NKAIN2: variants seen among roughly 807,000 people sequenced by gnomAD.
NKAIN2 encodes sodium/potassium-transporting ATPase subunit beta-1-interacting protein 2.
In NKAIN2, 14 loss-of-function variants were observed where a neutral mutation model predicts 32.6. The observed-to-expected ratio is 0.43, with a 90% CI of 0.28 to 0.67. The LOEUF is 0.67. Among genes scored for constraint, NKAIN2 ranks in the 30% least tolerant of loss-of-function variants. The pLI, the probability that NKAIN2 is intolerant of heterozygous loss-of-function variation, is 0.17. For synonymous variants in NKAIN2, 80 were observed against 87.2 expected (o/e 0.92, Z 0.46); for missense variants, 198 against 258.3 (o/e 0.77, Z 1.60).
chr6:123,834,795 A>G (rs1774543544), intron 1 of NKAIN2, among the ~76,000 whole-genome samples: 1 of 152,080 alleles, frequency 6.6e-6, no homozygotes, highest in Admixed American at 6.6e-5. Context: ...ATTTTGTCAG[A>G]TGCTTTTTTT....
chr6:124,147,477 C>T (rs1182216200), intron 1 of NKAIN2, among the ~76,000 whole-genome samples: 1 of 151,812 alleles, frequency 6.6e-6, no homozygotes. Context: ...CTGCCTAGAA[C>T]AAAAGAGATA....
intron 4 of NKAIN2, among the ~76,000 whole-genome samples, chr6:124,671,162 C>G (rs1409200601): frequency 9.2e-5 from 14 of 152,046 alleles, no homozygotes; most frequent in Admixed American, 9.2e-4. Context: ...GGAGAAGGTT[C>G]TATGTATACA....
At chr6:124,329,440 A>T (rs1797560385) in intron 2 of NKAIN2, among the ~76,000 whole-genome samples, 1 of 152,202 alleles carries the variant, frequency 6.6e-6, no homozygotes, top group Non-Finnish European at 1.5e-5. Flanking sequence ...ATGTAATGGA[A>T]TTCTGGCTTT....
intron 1 of NKAIN2, among the ~76,000 whole-genome samples, chr6:124,070,345 T>A (rs1241847457): frequency 1.3e-5 from 2 of 152,218 alleles, no homozygotes; most frequent in Non-Finnish European, 2.9e-5. Context: ...ATGCACTGAC[T>A]TCCAACCTAC....
At chr6:124,492,056 G>T (rs930633003) in intron 3 of NKAIN2, among the ~76,000 whole-genome samples, 2 of 152,032 alleles carry the variant, frequency 1.3e-5, no homozygotes, top group East Asian at 3.9e-4. Context: ...CAGTAAAATT[G>T]TAAGAGAATA....
intron 1 of NKAIN2, among the ~76,000 whole-genome samples, chr6:124,159,367 A>C (rs1196654036): frequency 6.6e-6 from 1 of 152,156 alleles, no homozygotes; most frequent in Non-Finnish European, 1.5e-5. Flanking sequence ...GGGACTCTCA[A>C]ACCTGAAACA....
intron 3 of NKAIN2, among the ~76,000 whole-genome samples, chr6:124,450,675 G>A (rs1776069696): frequency 6.6e-6 from 1 of 151,720 alleles, no homozygotes; most frequent in African/African-American, 2.4e-5. Context: ...TTGATTCTGA[G>A]ATTGGAAAAG....
chr6:124,506,099 T>G (rs892792435), intron 3 of NKAIN2, among the ~76,000 whole-genome samples: 1 of 151,626 alleles, frequency 6.6e-6, no homozygotes, highest in Non-Finnish European at 1.5e-5. Flanking sequence ...GAGAATGGCG[T>G]GAACCCGGGA....
chr6:123,824,076 C>A (rs971249907), intron 1 of NKAIN2, among the ~76,000 whole-genome samples: 3 of 152,124 alleles, frequency 2.0e-5, no homozygotes, highest in South Asian at 4.1e-4. Context: ...TAGAATTTAT[C>A]TGCATGTAAC....
intron 1 of NKAIN2, among the ~76,000 whole-genome samples, chr6:123,971,893 T>C (rs1778360911): frequency 6.6e-6 from 1 of 152,074 alleles, no homozygotes; most frequent in Admixed American, 6.6e-5. Context: ...TCTGCAAGAG[T>C]CTGGACAAGT....
intron 1 of NKAIN2, among the ~76,000 whole-genome samples, chr6:124,212,854 GCA>G (rs1791260852): frequency 6.6e-6 from 1 of 151,962 alleles, no homozygotes; most frequent in South Asian, 2.1e-4. Context: ...TCAAAATGAT[GCA>G]ACTTTAAAAA....
chr6:124,153,835 T>G (rs1787851229), intron 1 of NKAIN2, among the ~76,000 whole-genome samples: 1 of 151,698 alleles, frequency 6.6e-6, no homozygotes, highest in Admixed American at 6.6e-5. Flanking sequence ...ATTATTGCAC[T>G]GATTAAAACC....
chr6:124,340,846 A>G (rs912663610), intron 2 of NKAIN2, among the ~76,000 whole-genome samples: 1 of 152,164 alleles, frequency 6.6e-6, no homozygotes, highest in Non-Finnish European at 1.5e-5. Context: ...AGGAATGTAA[A>G]TATCTTGGCA....
chr6:124,334,082 T>A (rs1435388050), intron 2 of NKAIN2, among the ~76,000 whole-genome samples: 6 of 152,254 alleles, frequency 3.9e-5, no homozygotes, highest in Non-Finnish European at 8.8e-5. Context: ...TTATGTGGTA[T>A]GCATTTAAAT....
chr6:124,774,856 C>CAAAA (rs777636496), intron 4 of NKAIN2, among the ~76,000 whole-genome samples: 1 of 72,780 alleles, frequency 1.4e-5, no homozygotes, highest in Non-Finnish European at 3.0e-5. Context: ...AACTTCATCT[C>CAAAA]AAAAAAAAAA....
intron 3 of NKAIN2, among the ~76,000 whole-genome samples, chr6:124,510,442 G>C (rs767193208): frequency 1.3e-5 from 2 of 152,024 alleles, no homozygotes; most frequent in Non-Finnish European, 2.9e-5. Context: ...GATCAAGAGG[G>C]GTCCAGTGTA....
At chr6:124,732,950 A>G (rs185023970) in intron 4 of NKAIN2, among the ~76,000 whole-genome samples, 23 of 152,136 alleles carry the variant, frequency 1.5e-4, no homozygotes, top group Non-Finnish European at 2.1e-4. Flanking sequence ...GAATGGATAA[A>G]TAAACCGTGA....
chr6:124,712,977 G>C (rs1204474332), intron 4 of NKAIN2, among the ~76,000 whole-genome samples: 1 of 152,048 alleles, frequency 6.6e-6, no homozygotes, highest in East Asian at 1.9e-4. Context: ...CTCAGTTATA[G>C]TCAAGATATT....
chr6:124,124,141 A>C (rs533012978), intron 1 of NKAIN2, among the ~76,000 whole-genome samples: 1 of 152,290 alleles, frequency 6.6e-6, no homozygotes, highest in African/African-American at 2.4e-5. Flanking sequence ...CTCATGTTTT[A>C]TTAATTTCTA....
Sources: allele counts gnomAD v4.1 joint callset (sites outside exome capture counted in the v4.1 genomes callset), GRCh38; gene constraint gnomAD v4.1.1; transcripts MANE v1.5; gene names NCBI Gene and HGNC (gene_info 2026-07-23, HGNC 2026-07-21).